NUCB2: variants seen among roughly 807,000 people sequenced by gnomAD.
The protein encoded by NUCB2 is nucleobindin 2, also known as nucleobindin-2.
In NUCB2, 48 loss-of-function variants were observed where a neutral mutation model predicts 57.9. The observed-to-expected ratio is 0.83, with a 90% CI of 0.66 to 1.05. The LOEUF is 1.05. Ranked by LOEUF, NUCB2 falls within the 50% of genes least tolerant of loss-of-function variation. The probability of loss-of-function intolerance (pLI) is 0.00; values close to 1 mark genes in which losing one functional copy is unlikely to be tolerated. For synonymous variants in NUCB2, 139 were observed against 152.1 expected (o/e 0.91, Z 0.64); for missense variants, 442 against 476.2 (o/e 0.93, Z 0.67).
chr11:17,336,656 G>A (rs993777161), downstream of NUCB2, among the ~76,000 whole-genome samples: 34 of 149,878 alleles, frequency 2.3e-4, no homozygotes, highest in African/African-American at 7.1e-4. Flanking sequence ...CGGGAGGCTG[G>A]GGCAGGTGAA....
At chr11:17,278,806 T>A (rs773625220) in intron 1 of NUCB2, among the ~76,000 whole-genome samples, 23 of 152,198 alleles carry the variant, frequency 1.5e-4, no homozygotes, top group Non-Finnish European at 2.8e-4. Context: ...TTCCACTTTC[T>A]AAGGACCCTT....
downstream of NUCB2, among the ~76,000 whole-genome samples, chr11:17,335,652 C>T (rs1313012654): frequency 6.6e-6 from 1 of 152,210 alleles, no homozygotes; most frequent in Non-Finnish European, 1.5e-5. Flanking sequence ...CAGGCACCTG[C>T]CACCGTGCCT....
At chr11:17,315,842 T>C (rs1237755354) in intron 11 of NUCB2, among the ~76,000 whole-genome samples, 1 of 152,208 alleles carries the variant, frequency 6.6e-6, no homozygotes, top group Non-Finnish European at 1.5e-5. Context: ...TGTGTTAATT[T>C]GGAATGGTAT....
At chr11:17,327,736 G>A (rs1327828625) in intron 11 of NUCB2, among the ~76,000 whole-genome samples, 8 of 152,182 alleles carry the variant, frequency 5.3e-5, no homozygotes, top group South Asian at 2.1e-4. Context: ...CAGCGTGTCC[G>A]TTCCATTTTT....
chr11:17,295,358 T>C lies in NUCB2; in HGVS notation c.35T>C (p.Phe12Ser). 4 of 1,612,588 alleles carry C rather than the reference T, an allele frequency of 2.5e-6. No individual in the cohort carries two copies. The South Asian group carries it at 4.4e-5, about 18-fold the overall frequency. The change falls in exon 3 of 14, where the codon TTT (phenylalanine) becomes TCT (serine). Residue 12 changes from phenylalanine to serine, a missense_variant. Phe to Ser is a radical substitution (Grantham distance 155, BLOSUM62 -2). Transcript: ENST00000529010. ...RWRTILLQYC[F>S]LLITCLLTAL... Reference sequence around the variant, plus strand: ...AGGACCATCCTGCTACAGTATTGCTTTCTCTTGATTACATGTTTACTTACT... The same window carrying C: ...AGGACCATCCTGCTACAGTATTGCTCTCTCTTGATTACATGTTTACTTACT...
chr11:17,288,531 TTTCTTCTTC>T (rs1229608955), intron 2 of NUCB2, among the ~76,000 whole-genome samples: 1 of 136,916 alleles, frequency 7.3e-6, no homozygotes, highest in Non-Finnish European at 1.5e-5. Context: ...ATTTTATCTT[TTTCTTCTTC>T]TTCTTCTTCT....
chr11:17,333,216 G>T (rs1443211285), downstream of NUCB2: 1 of 152,130 alleles, frequency 6.6e-6, no homozygotes, highest in African/African-American at 2.4e-5. Flanking sequence ...GGGGGCCTTG[G>T]TTTTACTTTC....
At chr11:17,289,031 A>G (rs944038702) in intron 2 of NUCB2, among the ~76,000 whole-genome samples, 12 of 143,838 alleles carry the variant, frequency 8.3e-5, no homozygotes, top group African/African-American at 2.9e-4. Context: ...AGTCTCGCTC[A>G]CTGCAACCTT....
At chr11:17,317,740 T>C (rs1334570233) in intron 11 of NUCB2, 1 of 183,530 alleles carries the variant, frequency 5.4e-6, no homozygotes, top group Non-Finnish European at 1.2e-5. Flanking sequence ...GTTAAGGTGG[T>C]GTCTACCAGA....
intron 2 of NUCB2, among the ~76,000 whole-genome samples, chr11:17,294,468 T>C (rs528385677): frequency 6.6e-5 from 10 of 152,254 alleles, no homozygotes; most frequent in African/African-American, 2.2e-4. Flanking sequence ...TCAATAAAGA[T>C]GCTAAAAAAT....
intron 4 of NUCB2, among the ~76,000 whole-genome samples, chr11:17,296,629 G>T (rs1478683669): frequency 3.9e-5 from 6 of 152,160 alleles, no homozygotes; most frequent in African/African-American, 1.2e-4. Context: ...AGAGCTTAAA[G>T]ATGTAGTGAG....
intron 11 of NUCB2, among the ~76,000 whole-genome samples, chr11:17,327,788 A>T (rs1950885313): frequency 6.6e-6 from 1 of 151,826 alleles, no homozygotes; most frequent in South Asian, 2.1e-4. Context: ...AATTATTTTG[A>T]TCTCTTTGTT....
chr11:17,301,272 CTTTTTTTTTTTT>C (rs397848120), intron 4 of NUCB2, among the ~76,000 whole-genome samples: 8 of 73,274 alleles, frequency 1.1e-4, no homozygotes, highest in African/African-American at 5.3e-4. Context: ...CGCGCCTGGC[CTTTTTTTTTTTT>C]TTTTTTTTTT....
At chr11:17,320,716 A>G (rs946508086) in intron 11 of NUCB2, among the ~76,000 whole-genome samples, 1 of 152,148 alleles carries the variant, frequency 6.6e-6, no homozygotes, top group African/African-American at 2.4e-5. Context: ...TACAAATACT[A>G]TGATCAAAAA....
intron 2 of NUCB2, among the ~76,000 whole-genome samples, chr11:17,290,060 T>C (rs1350856422): frequency 6.6e-6 from 1 of 152,212 alleles, no homozygotes; most frequent in Non-Finnish European, 1.5e-5. Context: ...CTGTTGTGTT[T>C]TACTAACAAA....
chr11:17,325,162 C>A (rs1338178713), intron 11 of NUCB2, among the ~76,000 whole-genome samples: 1 of 152,150 alleles, frequency 6.6e-6, no homozygotes, highest in Non-Finnish European at 1.5e-5. Context: ...TACTCTATAG[C>A]TGTTGGATGA....
chr11:17,296,677 G>A (rs1193761549), intron 4 of NUCB2, among the ~76,000 whole-genome samples: 1 of 152,098 alleles, frequency 6.6e-6, no homozygotes, highest in Non-Finnish European at 1.5e-5. Flanking sequence ...AGACAAAGGT[G>A]CAATGGTACA....
chr11:17,283,928 T>G (rs1405650775), intron 2 of NUCB2, among the ~76,000 whole-genome samples: 1 of 152,234 alleles, frequency 6.6e-6, no homozygotes, highest in Non-Finnish European at 1.5e-5. Context: ...TTTCCTTTCT[T>G]CTTTTTTTAA....
chr11:17,318,718 T>C (rs566327865), intron 11 of NUCB2, among the ~76,000 whole-genome samples: 1 of 152,156 alleles, frequency 6.6e-6, no homozygotes, highest in South Asian at 2.1e-4. Flanking sequence ...AATTTGAACG[T>C]GGAAATAATG....
Sources: gnomAD v4.1 joint callset for allele counts (sites outside exome capture counted in the v4.1 genomes callset) on GRCh38, gnomAD v4.1.1 for gene constraint, MANE v1.5 for transcripts, NCBI Gene and HGNC (gene_info 2026-07-23, HGNC 2026-07-21) for gene names.